The following SYT9 variants were observed in gnomAD, a reference collection of about 807,000 sequenced individuals.
SYT9 encodes the protein synaptotagmin 9, also known as synaptotagmin-9.
SYT9 carries 22 observed loss-of-function variants against 48.4 expected under a neutral mutation model. The ratio of observed to expected loss-of-function variants is 0.45; its 90% CI spans 0.32 to 0.65. The LOEUF is 0.65. Among genes scored for constraint, SYT9 ranks in the 30% least tolerant of loss-of-function variants. The pLI, the probability that SYT9 is intolerant of heterozygous loss-of-function variation, is 0.03. For synonymous variants in SYT9, 265 were observed against 245.0 expected, an observed-to-expected ratio of 1.08 and a Z score of -0.76; for missense variants, 577 against 622.0, an observed-to-expected ratio of 0.93 and a Z score of 0.77.
rs116774837 is a variant in SYT9 at position 7,262,508 on chromosome 11, A to G, written c.145+10177A>G. Reference sequence around the variant, plus strand: ...CCGCACTAAGTTCTGGAACTGTCCAACGGTAAGAGGCTAGAGAGAACTTGA... The same window carrying G: ...CCGCACTAAGTTCTGGAACTGTCCAGCGGTAAGAGGCTAGAGAGAACTTGA... On this transcript the variant is annotated intron_variant, in intron 1 of 6. Transcript: ENST00000318881. Among the ~76,000 whole-genome samples, 227 of 152,282 alleles carry G rather than the reference A, an allele frequency of 1.5e-3. 1 individual carries two copies. The highest frequency in any genetic ancestry group is 5.3e-3 in the African/African-American group (220 of 41,558).
At chr11:7,437,522 A>G (rs970598309) in intron 6 of SYT9, 2 of 152,210 alleles carry the variant, frequency 1.3e-5, no homozygotes, top group Non-Finnish European at 2.9e-5. Context: ...ACTGTGTGAT[A>G]TGCACTTTGA....
chr11:7,282,220 A>T (rs1165451421), intron 1 of SYT9, among the ~76,000 whole-genome samples: 2 of 152,248 alleles, frequency 1.3e-5, no homozygotes, highest in East Asian at 3.8e-4. Context: ...ATTTTACTTT[A>T]TAAAATGAAA....
At chr11:7,341,575 G>T (rs1315850437) in intron 3 of SYT9, among the ~76,000 whole-genome samples, 8 of 152,102 alleles carry the variant, frequency 5.3e-5, no homozygotes, top group African/African-American at 1.7e-4. Context: ...CAGCCATATG[G>T]AACTGAATCC....
At chr11:7,357,061 C>A (rs1448801861) in intron 3 of SYT9, among the ~76,000 whole-genome samples, 1 of 152,136 alleles carries the variant, frequency 6.6e-6, no homozygotes, top group Non-Finnish European at 1.5e-5. Flanking sequence ...TCCCAAAGAA[C>A]TAGCATTTAT....
chr11:7,346,169 A>G (rs1046096093), intron 3 of SYT9, among the ~76,000 whole-genome samples: 10 of 152,250 alleles, frequency 6.6e-5, no homozygotes, highest in Non-Finnish European at 1.3e-4. Context: ...TGACAGGAAC[A>G]GGAGGCAGCA....
intron 6 of SYT9, among the ~76,000 whole-genome samples, chr11:7,465,481 A>G (rs1020970074): frequency 4.6e-5 from 7 of 152,180 alleles, no homozygotes; most frequent in African/African-American, 1.7e-4. Context: ...TTTTCTCTCT[A>G]TGGCCACAGT....
intron 3 of SYT9, among the ~76,000 whole-genome samples, chr11:7,413,049 A>T (rs1429204366): frequency 6.6e-6 from 1 of 152,180 alleles, no homozygotes; most frequent in Non-Finnish European, 1.5e-5. Flanking sequence ...TATGATAGGT[A>T]GGAACAAGGT....
upstream of SYT9, among the ~76,000 whole-genome samples, chr11:7,248,371 G>A (rs1847820128): frequency 6.6e-6 from 1 of 151,624 alleles, no homozygotes; most frequent in Non-Finnish European, 1.5e-5. Context: ...TATTGCATTT[G>A]TTTTTGGGTT....
intron 6 of SYT9, among the ~76,000 whole-genome samples, chr11:7,463,853 C>T (rs1848278970): frequency 1.3e-5 from 2 of 152,194 alleles, no homozygotes; most frequent in African/African-American, 2.4e-5. Context: ...TGGCTAATTA[C>T]ACACACAAGG....
chr11:7,460,646 G>C (rs745522410), intron 6 of SYT9, among the ~76,000 whole-genome samples: 6 of 152,074 alleles, frequency 3.9e-5, no homozygotes, highest in Admixed American at 6.5e-5. Flanking sequence ...TTTAAATGGT[G>C]ACTATAAATT....
At chr11:7,370,147 A>T (rs1338785744) in intron 3 of SYT9, among the ~76,000 whole-genome samples, 1 of 152,118 alleles carries the variant, frequency 6.6e-6, no homozygotes, top group African/African-American at 2.4e-5. Flanking sequence ...AGAACATCTG[A>T]TGCTTGGCTT....
chr11:7,309,570 C>A (rs1257776452), intron 2 of SYT9, among the ~76,000 whole-genome samples: 1 of 152,220 alleles, frequency 6.6e-6, no homozygotes, highest in African/African-American at 2.4e-5. Context: ...CCATTTAGAG[C>A]CACCTCACCT....
At chr11:7,311,251 G>A (rs180753062) in intron 2 of SYT9, among the ~76,000 whole-genome samples, 1 of 152,300 alleles carries the variant, frequency 6.6e-6, no homozygotes, top group African/African-American at 2.4e-5. Flanking sequence ...GCAGGGAGCC[G>A]AGATCGCGCC....
At chr11:7,301,837 A>G (rs1159215241) in intron 1 of SYT9, among the ~76,000 whole-genome samples, 7 of 152,186 alleles carry the variant, frequency 4.6e-5, no homozygotes, top group Non-Finnish European at 8.8e-5. Flanking sequence ...AGCCACCATA[A>G]TGCCAGAAAT....
intron 1 of SYT9, among the ~76,000 whole-genome samples, chr11:7,289,887 G>C (rs1029347540): frequency 1.1e-4 from 16 of 152,306 alleles, no homozygotes; most frequent in African/African-American, 3.8e-4. Context: ...TCTTATTTTA[G>C]TAGCATGAAT....
chr11:7,369,794 A>AAACACAC lies in SYT9; in HGVS notation c.1045-46247_1045-46246insACACACA, dbSNP rs1564879657. Among the ~76,000 whole-genome samples, 1,001 of 143,958 alleles carry AAACACAC rather than the reference A, an allele frequency of 7.0e-3. 8 individuals are homozygous for AAACACAC. Among genetic ancestry groups the AAACACAC allele is most frequent in the African/African-American group, 0.012 (467 of 38,856 alleles). The allele number at this position is 143,958 out of a possible 152,430, so 94.4% of individuals were successfully genotyped here. A position where few individuals can be genotyped will look rare whatever the true frequency, so the allele number is the denominator to read the frequency against. ...CATACACACCACACACACACACACA[A>AAACACAC]ACACACACACACACACACACACACA... is the stretch of plus-strand genomic sequence containing the variant. On this transcript the variant is annotated intron_variant, in intron 3 of 6. Transcript: ENST00000318881.
intron 3 of SYT9, among the ~76,000 whole-genome samples, chr11:7,320,189 A>G (rs776269382): frequency 2.0e-5 from 3 of 152,224 alleles, no homozygotes; most frequent in Non-Finnish European, 4.4e-5. Context: ...ATAGCTGAAT[A>G]ATAGCCAAAT....
At chr11:7,396,751 T>C (rs1214562574) in intron 3 of SYT9, among the ~76,000 whole-genome samples, 1 of 152,190 alleles carries the variant, frequency 6.6e-6, no homozygotes. Context: ...TCTTTCATTT[T>C]AGTTAGACTA....
chr11:7,345,745 A>T (rs1849788479), intron 3 of SYT9, among the ~76,000 whole-genome samples: 1 of 152,238 alleles, frequency 6.6e-6, no homozygotes. Flanking sequence ...ATGAATTAAC[A>T]AATTGTCAAC....
Sources: allele counts gnomAD v4.1 joint callset (sites outside exome capture counted in the v4.1 genomes callset), GRCh38; gene constraint gnomAD v4.1.1; transcripts MANE v1.5; gene names NCBI Gene and HGNC (gene_info 2026-07-23, HGNC 2026-07-21).